Variants in DCUN1D2 observed in about 807,000 individuals in gnomAD.
DCUN1D2 encodes the protein DCN1-like protein 2.
DCUN1D2 carries 29 observed loss-of-function variants against 30.9 expected under a neutral mutation model. That is an observed-to-expected ratio of 0.94 (90% CI 0.70 to 1.28). The LOEUF (loss-of-function observed/expected upper bound fraction) is 1.28. Among genes scored for constraint, DCUN1D2 ranks in the 50% most tolerant of loss-of-function variants. The pLI is 0.00. For missense variants in DCUN1D2, 325 were observed against 316.9 expected, an observed-to-expected ratio of 1.03 and a Z score of -0.19; for synonymous variants, 121 against 115.3, an observed-to-expected ratio of 1.05 and a Z score of -0.32.
chr13:113,470,775 C>G (rs1182087822), intron 4 of DCUN1D2, among the ~76,000 whole-genome samples: 2 of 150,160 alleles, frequency 1.3e-5, no homozygotes, highest in Non-Finnish European at 3.0e-5. Flanking sequence ...GAAGACACAA[C>G]TCCACAAGGG....
chr13:113,474,057 T>C lies in DCUN1D2; in HGVS notation c.520+67A>G, dbSNP rs543577855. The C allele has an allele frequency of 7.0e-6, 11 of 1,561,616 alleles. No individual in the cohort carries two copies. In the African/African-American group the frequency reaches 9.5e-5, roughly 14 times the overall value. On this transcript the variant is annotated intron_variant, in intron 4 of 6. Coordinates refer to ENST00000478244, the MANE Select transcript of DCUN1D2 (RefSeq NM_001014283.2). ...ATTACAGTTGGCTGCACAAAAATCA[T>C]GTTGCTCACGTCCACTGAAAACCTC...
At chr13:113,472,082 ACAG>A (rs2044528207) in intron 4 of DCUN1D2, among the ~76,000 whole-genome samples, 1 of 150,132 alleles carries the variant, frequency 6.7e-6, no homozygotes, top group South Asian at 2.2e-4. Flanking sequence ...ACTGGTGGAG[ACAG>A]CATTCGTTTC....
Position 113,457,931 on chromosome 13 carries a change from T to TGA in DCUN1D2, c.*96_*97dup. On this transcript the variant is annotated 3_prime_UTR_variant, in exon 7 of 7. Coordinates refer to ENST00000478244, the MANE Select transcript of DCUN1D2 (RefSeq NM_001014283.2). ...CTCTGGTTTCATGGCTGGTCAAGAA[T>TGA]GACTTCTGGAATCAGCGACAATGCA... is the stretch of plus-strand genomic sequence containing the variant. The TGA allele has an allele frequency of 2.6e-6, 3 of 1,147,498 alleles. No individual in the cohort carries two copies. In the South Asian group the frequency reaches 3.8e-5, roughly 15 times the overall value. 71.1% of individuals were successfully genotyped at this position (1,147,498 alleles called of 1,614,324 possible). A position where few individuals can be genotyped will look rare whatever the true frequency, so the allele number is the denominator to read the frequency against.
rs761840452 is a variant in DCUN1D2 at position 113,458,110 on chromosome 13, T to C, written c.701-2A>G. The C allele has an allele frequency of 6.2e-7, 1 of 1,614,014 alleles. No homozygotes were observed. The highest frequency in any genetic ancestry group is 8.5e-7 in the Non-Finnish European group (1 of 1,179,922). On this transcript the variant is annotated splice_acceptor_variant, in intron 6 of 6. Transcript: ENST00000478244. LOFTEE classifies it high-confidence loss of function. ...CATCTATAAGAACGGGCCAAGCTCCTAAAGGAAAGCAAGCAAACAGAAAAC... is the reference window on the plus strand; with the variant it reads ...CATCTATAAGAACGGGCCAAGCTCCCAAAGGAAAGCAAGCAAACAGAAAAC...
chr13:113,461,901 G>A (rs901343248), intron 4 of DCUN1D2, among the ~76,000 whole-genome samples: 3 of 152,190 alleles, frequency 2.0e-5, no homozygotes, highest in African/African-American at 4.8e-5. Flanking sequence ...GCTTGATAAC[G>A]ATTTCTTTTT....
intron 1 of DCUN1D2, chr13:113,484,323 G>A (rs2044764563): frequency 1.7e-6 from 1 of 588,372 alleles, no homozygotes; most frequent in South Asian, 2.2e-5. Flanking sequence ...CATGAAGTGT[G>A]ACTATCATTT....
intron 3 of DCUN1D2, among the ~76,000 whole-genome samples, chr13:113,474,529 T>C (rs370446039): frequency 3.3e-5 from 5 of 152,212 alleles, no homozygotes; most frequent in African/African-American, 9.7e-5. Context: ...CACTGAGTTG[T>C]AGGCTTTAAA....
upstream of DCUN1D2, chr13:113,490,825 C>CG: frequency 3.6e-6 from 2 of 560,804 alleles, no homozygotes; most frequent in Non-Finnish European, 4.9e-6. The surrounding 1 kb of genome is among the most constrained non-coding windows in gnomAD (Gnocchi z 5.2). Flanking sequence ...CAGCGCCGCC[C>CG]GGGGGCCCAC....
At position 113,468,776 on chromosome 13, in the gene DCUN1D2, A is replaced by G. The variant is rs1299025574; in HGVS notation, c.520+5348T>C. ...GCAAAGCCAAACACCCAGAGGCAACATTTACCATAAATTTAGGTGAGAAAG... is the reference window on the plus strand; with the variant it reads ...GCAAAGCCAAACACCCAGAGGCAACGTTTACCATAAATTTAGGTGAGAAAG... On this transcript the variant is annotated intron_variant, in intron 4 of 6. Transcript: ENST00000478244. 4 of 152,286 alleles carry G rather than the reference A, an allele frequency of 2.6e-5. No homozygotes were observed. In the East Asian group the frequency reaches 7.7e-4, roughly 29 times the overall value. The allele number at this position is 152,286 out of a possible 1,614,324, so 9.4% of individuals were successfully genotyped here.
intron 3 of DCUN1D2, among the ~76,000 whole-genome samples, chr13:113,477,676 C>A (rs142651766): frequency 3.3e-5 from 5 of 151,326 alleles, no homozygotes; most frequent in African/African-American, 1.2e-4. Flanking sequence ...TTAAGAACTG[C>A]CCCTCTTATT....
chr13:113,480,816 C>T, intron 2 of DCUN1D2, 73 bp from the exon 3 acceptor site: 1 of 1,523,384 alleles, frequency 6.6e-7, no homozygotes, highest in Non-Finnish European at 9.1e-7. Context: ...GGTTTGAATC[C>T]TAGCATTCGA....
intron 6 of DCUN1D2, 32 bp downstream of exon 6, chr13:113,459,280 C>T (rs768468907): frequency 3.7e-5 from 44 of 1,183,358 alleles, no homozygotes; most frequent in South Asian, 2.4e-5. Flanking sequence ...GTAAGCATTT[C>T]GGTCAATCAT....
chr13:113,468,295 G>A (rs1248792776), intron 4 of DCUN1D2, among the ~76,000 whole-genome samples: 1 of 152,116 alleles, frequency 6.6e-6, no homozygotes, highest in Non-Finnish European at 1.5e-5. Context: ...GATACATACT[G>A]TGTGATTCCA....
At chr13:113,491,561 C>T (rs915025240), upstream of DCUN1D2, among the ~76,000 whole-genome samples, 1 of 152,134 alleles carries the variant, frequency 6.6e-6, no homozygotes. Context: ...TCTCTCTCTC[C>T]TCGGGGCTCC....
chr13:113,483,316 G>A (rs2044742016), intron 2 of DCUN1D2, among the ~76,000 whole-genome samples: 1 of 152,132 alleles, frequency 6.6e-6, no homozygotes, highest in Non-Finnish European at 1.5e-5. Flanking sequence ...TTTGCTGCGA[G>A]CTTTTCCCAA....
At chr13:113,482,407 T>G (rs918524826) in intron 2 of DCUN1D2, among the ~76,000 whole-genome samples, 5 of 152,244 alleles carry the variant, frequency 3.3e-5, no homozygotes, top group African/African-American at 1.2e-4. Context: ...AATCAGCATA[T>G]GACTTACAAA....
upstream of DCUN1D2, chr13:113,490,742 T>G (rs1441267833): frequency 1.1e-5 from 13 of 1,159,998 alleles, no homozygotes; most frequent in Middle Eastern, 1.1e-3. The surrounding 1 kb of genome is among the most constrained non-coding windows in gnomAD (Gnocchi z 5.2). Context: ...GCCCTCGTCC[T>G]CGGACGGCCG....
chr13:113,484,032 C>T lies in DCUN1D2; in HGVS notation c.28G>A (p.Asp10Asn). 1 of 1,613,996 alleles carries T rather than the reference C, an allele frequency of 6.2e-7. No individual in the cohort carries two copies. The highest frequency in any genetic ancestry group is 8.5e-7 in the Non-Finnish European group (1 of 1,180,030). MHKLKSSQK[D>N]KVRQFMACTQ... ...CACGCCATAAACTGGCGGACCTTGT[C>T]CTTCTGAGACGATTTAAGCTTATGC... The change falls in exon 2 of 7, where the codon GAC (aspartate) becomes AAC (asparagine). Residue 10 changes from aspartate (D) to asparagine (N), a missense_variant. Physicochemically the swap from Asp to Asn is conservative, Grantham distance 23. Coordinates refer to ENST00000478244, the MANE Select transcript of DCUN1D2 (RefSeq NM_001014283.2).
chr13:113,459,150 C>A (rs551306118), intron 6 of DCUN1D2, among the ~76,000 whole-genome samples, 162 bp downstream of exon 6: 2 of 152,228 alleles, frequency 1.3e-5, no homozygotes, highest in East Asian at 1.9e-4. Flanking sequence ...AAATATAAAA[C>A]CCTATTTTTC....
Sources: gnomAD v4.1 joint callset for allele counts (sites outside exome capture counted in the v4.1 genomes callset) on GRCh38, gnomAD v4.1.1 for gene constraint, Gnocchi (gnomAD v3.1) non-coding constraint, MANE v1.5 for transcripts, NCBI Gene and HGNC (gene_info 2026-07-23, HGNC 2026-07-21) for gene names.